The following DMD variants were observed in gnomAD, a reference collection of about 807,000 sequenced individuals.
DMD encodes dystrophin.
In DMD, 63 loss-of-function variants were observed where a neutral mutation model predicts 330.1. That is an observed-to-expected ratio of 0.19 (90% CI 0.16 to 0.24). The LOEUF (loss-of-function observed/expected upper bound fraction) is 0.24, where lower values mean the gene tolerates loss of function less well. Ranked by LOEUF, DMD falls within the 10% of genes least tolerant of loss-of-function variation. The probability of loss-of-function intolerance (pLI) is 1.00; values close to 1 mark genes in which losing one functional copy is unlikely to be tolerated. For synonymous variants in DMD, 1,223 were observed against 959.8 expected (o/e 1.27, Z -5.07); for missense variants, 3,344 against 2,684.1 (o/e 1.25, Z -5.43).
chrX:32,262,552 A>G (rs998146398), intron 43 of DMD, among the ~76,000 whole-genome samples: 1 of 111,737 alleles, frequency 8.9e-6, no homozygotes, highest in African/African-American at 3.3e-5. Flanking sequence ...TGGCCAATAC[A>G]CTACCTAAAT....
chrX:32,483,146 CATAT>C lies in DMD; in HGVS notation c.2803+1769_2803+1772del, dbSNP rs201134649. On this transcript the variant is annotated intron_variant, in intron 21 of 78. Coordinates refer to ENST00000357033, the MANE Select transcript of DMD (RefSeq NM_004006.3). ...ATTTCATATGCTACATTTTTCATTC[CATAT>C]ATATATATATATATACACCATATTT... Among the ~76,000 whole-genome samples the C allele has an allele frequency of 0.012, 453 of 39,285 alleles. 53 individuals carry two copies. The South Asian group carries it at 0.16, about 14-fold the overall frequency. The allele number at this position is 39,285 out of a possible 115,157, so 34.1% of individuals were successfully genotyped here. A position where few individuals can be genotyped will look rare whatever the true frequency, so the allele number is the denominator to read the frequency against.
At chrX:32,482,591 T>C (rs955626329) in intron 21 of DMD, among the ~76,000 whole-genome samples, 1 of 111,879 alleles carries the variant, frequency 8.9e-6, no homozygotes, top group African/African-American at 3.2e-5. Context: ...TTGGCTATTA[T>C]GAATAATGTT....
At chrX:32,632,741 G>A (rs977968462) in intron 11 of DMD, among the ~76,000 whole-genome samples, 1 of 109,228 alleles carries the variant, frequency 9.2e-6, no homozygotes, top group Non-Finnish European at 1.9e-5. Context: ...GCGGGGGGGA[G>A]GGGTTGGGGC....
intron 50 of DMD, among the ~76,000 whole-genome samples, chrX:31,783,212 GAATTA>G (rs2091115206): frequency 9.0e-6 from 1 of 111,345 alleles, no homozygotes; most frequent in Admixed American, 9.6e-5. Flanking sequence ...AAAAACTCCT[GAATTA>G]AATAATTTAT....
chrX:32,386,600 C>T (rs907436784), intron 32 of DMD, 135 bp from the exon 33 acceptor site: 19 of 551,065 alleles, frequency 3.4e-5, no homozygotes, highest in South Asian at 1.9e-4. Flanking sequence ...CATTTTGCAG[C>T]GGTGGTCAAT....
chrX:32,239,618 C>T (rs1159747562), intron 43 of DMD, among the ~76,000 whole-genome samples: 2 of 111,224 alleles, frequency 1.8e-5, no homozygotes, highest in East Asian at 5.7e-4. Context: ...GAAAGGTATC[C>T]ACCATTATAG....
intron 44 of DMD, among the ~76,000 whole-genome samples, chrX:32,102,455 T>G (rs1323122790): frequency 1.8e-5 from 2 of 111,564 alleles, no homozygotes; most frequent in Non-Finnish European, 3.8e-5. Flanking sequence ...TTAATGACTT[T>G]ACTTAAATAA....
At chrX:32,638,523 A>AT (rs1370712680) in intron 11 of DMD, among the ~76,000 whole-genome samples, 2 of 111,993 alleles carry the variant, frequency 1.8e-5, no homozygotes, top group East Asian at 5.6e-4. Context: ...GAGAGTCTGC[A>AT]TTTTTAACAA....
chrX:31,350,630 TGTGAGAGAGAGAGAGAGAGA>T (rs1454779691), intron 60 of DMD, among the ~76,000 whole-genome samples: 1 of 47,470 alleles, frequency 2.1e-5, no homozygotes, highest in East Asian at 6.3e-4. Context: ...TGTGTGTGTG[TGTGAGAGAGAGAGAGAGAGA>T]GAGAGAGAGA....
intron 52 of DMD, among the ~76,000 whole-genome samples, chrX:31,698,611 T>G (rs2083595567): frequency 8.9e-6 from 1 of 112,254 alleles, no homozygotes; most frequent in Non-Finnish European, 1.9e-5. Context: ...GGAAGACCTA[T>G]CTATAGTTAA....
chrX:31,403,014 G>C (rs1013693998), intron 60 of DMD, among the ~76,000 whole-genome samples: 5 of 111,575 alleles, frequency 4.5e-5, no homozygotes, highest in Non-Finnish European at 7.5e-5. Flanking sequence ...AATCTCTCAT[G>C]CCTCCTAGTA....
At chrX:32,336,611 T>A (rs2097716886) in intron 41 of DMD, among the ~76,000 whole-genome samples, 1 of 111,514 alleles carries the variant, frequency 9.0e-6, no homozygotes, top group African/African-American at 3.3e-5. Context: ...ACGAGCAGTC[T>A]TAAACTCCGA....
chrX:32,226,229 A>G (rs1454673403), intron 43 of DMD, among the ~76,000 whole-genome samples: 1 of 111,846 alleles, frequency 8.9e-6, no homozygotes, highest in Admixed American at 9.5e-5. Flanking sequence ...AAACATTCAC[A>G]TAGCCCACCA....
At chrX:32,172,620 T>C (rs949125491) in intron 44 of DMD, among the ~76,000 whole-genome samples, 2 of 111,494 alleles carry the variant, frequency 1.8e-5, no homozygotes, top group African/African-American at 6.5e-5. Flanking sequence ...AGCACCCTCT[T>C]CATCCTCTAT....
chrX:32,723,639 G>C lies in DMD; in HGVS notation c.650-24346C>G, dbSNP rs987690938. ...GCATTGTATTGTACACTGAACATTA[G>C]CTAAGAAAAGAGACTTTAGGTATTC... On this transcript the variant is annotated intron_variant, in intron 7 of 78. Transcript: ENST00000357033. Among the ~76,000 whole-genome samples, 22 of 111,090 alleles carry C rather than the reference G, an allele frequency of 2.0e-4. 1 individual carries two copies. Among genetic ancestry groups the C allele is most frequent in the African/African-American group, 6.5e-4 (20 of 30,599 alleles).
chrX:32,613,915 T>C (rs1246215899), intron 12 of DMD, among the ~76,000 whole-genome samples: 2 of 110,890 alleles, frequency 1.8e-5, no homozygotes, highest in Non-Finnish European at 1.9e-5. Flanking sequence ...GTTTGGGAAA[T>C]CCAAGATCAA....
chrX:32,107,106 C>T (rs1455348308), intron 44 of DMD, among the ~76,000 whole-genome samples: 1 of 110,641 alleles, frequency 9.0e-6, no homozygotes, highest in Non-Finnish European at 1.9e-5. Flanking sequence ...ATCTTAGGTA[C>T]CACGTTCCTC....
At chrX:32,392,098 C>T (rs1569560834) in intron 30 of DMD, among the ~76,000 whole-genome samples, 1 of 111,658 alleles carries the variant, frequency 9.0e-6, no homozygotes, top group Non-Finnish European at 1.9e-5. Flanking sequence ...GTCACATATA[C>T]TAGCAAATTG....
chrX:33,026,313 C>CAAAAAAAAAAAAAAAAAAAAA (rs56794668), intron 1 of DMD, among the ~76,000 whole-genome samples: 10 of 32,782 alleles, frequency 3.1e-4, no homozygotes, highest in African/African-American at 4.9e-4. Flanking sequence ...GACTCCGTCT[C>CAAAAAAAAAAAAAAAAAAAAA]AAAAAAAAAA....
Sources: allele counts gnomAD v4.1 joint callset (sites outside exome capture counted in the v4.1 genomes callset), GRCh38; gene constraint gnomAD v4.1.1; transcripts MANE v1.5; gene names NCBI Gene and HGNC (gene_info 2026-07-23, HGNC 2026-07-21).